Variants in CSMD1 observed in about 807,000 individuals in gnomAD.
The protein encoded by CSMD1 is CUB and sushi domain-containing protein 1.
A neutral mutation model predicts 417.5 loss-of-function variants in CSMD1; 213 were observed. That is an observed-to-expected ratio of 0.51 (90% confidence interval 0.46 to 0.57). CSMD1 has a LOEUF of 0.57. CSMD1 is among the 20% of genes least tolerant of loss of function. The pLI is 0.00. For missense variants in CSMD1, 6,923 were observed against 4,529.7 expected, an observed-to-expected ratio of 1.53 and a Z score of -15.17; for synonymous variants, 2,862 against 1,736.8, an observed-to-expected ratio of 1.65 and a Z score of -16.11.
intron 49 of CSMD1, among the ~76,000 whole-genome samples, chr8:3,060,946 A>T (rs1812552766): frequency 6.6e-6 from 1 of 152,168 alleles, no homozygotes; most frequent in South Asian, 2.1e-4. Context: ...TGTCAATTTC[A>T]GCTTCATGTT....
At chr8:4,722,394 A>T (rs547824090) in intron 1 of CSMD1, among the ~76,000 whole-genome samples, 1 of 152,252 alleles carries the variant, frequency 6.6e-6, no homozygotes, top group South Asian at 2.1e-4. Context: ...ACTTCTCCCA[A>T]TGCTGTGTAT....
At chr8:3,410,608 T>C (rs563928656) in intron 12 of CSMD1, among the ~76,000 whole-genome samples, 1 of 152,214 alleles carries the variant, frequency 6.6e-6, no homozygotes. Context: ...TTGTGAGGCC[T>C]CTCCAGCCAT....
At chr8:3,170,794 A>G (rs968367252) in intron 37 of CSMD1, among the ~76,000 whole-genome samples, 11 of 152,246 alleles carry the variant, frequency 7.2e-5, no homozygotes, top group African/African-American at 2.7e-4. Flanking sequence ...TGAAAACAAG[A>G]TATGGTCACA....
chr8:3,871,046 T>C (rs1233134747), intron 5 of CSMD1, among the ~76,000 whole-genome samples: 1 of 152,244 alleles, frequency 6.6e-6, no homozygotes, highest in African/African-American at 2.4e-5. Context: ...TCTCCATCTT[T>C]GTGTATTATT....
At chr8:4,008,795 A>G (rs548018395) in intron 4 of CSMD1, among the ~76,000 whole-genome samples, 1 of 151,294 alleles carries the variant, frequency 6.6e-6, no homozygotes, top group Non-Finnish European at 1.5e-5. Context: ...TGTTTTTGGT[A>G]GAGACGGGAT....
At chr8:3,331,141 G>C (rs931680064) in intron 23 of CSMD1, among the ~76,000 whole-genome samples, 1 of 151,668 alleles carries the variant, frequency 6.6e-6, no homozygotes, top group Non-Finnish European at 1.5e-5. Context: ...AGGAGGCTGA[G>C]GCAGGAGAAT....
chr8:3,418,458 C>G (rs1027826394), intron 12 of CSMD1, among the ~76,000 whole-genome samples: 1 of 152,052 alleles, frequency 6.6e-6, no homozygotes, highest in Admixed American at 6.6e-5. Flanking sequence ...GGGAAAGCAA[C>G]AATTTTATTC....
chr8:3,422,312 G>A (rs935494470), intron 12 of CSMD1, among the ~76,000 whole-genome samples: 4 of 152,094 alleles, frequency 2.6e-5, no homozygotes, highest in Non-Finnish European at 5.9e-5. Flanking sequence ...AATAATTTGG[G>A]GTTTGTTGAG....
intron 48 of CSMD1, among the ~76,000 whole-genome samples, chr8:3,089,489 TGCCTGAATGATC>T (rs760294017): frequency 3.3e-5 from 5 of 152,246 alleles, no homozygotes; most frequent in Non-Finnish European, 7.3e-5. Flanking sequence ...ATTGCTTTTA[TGCCTGAATGATC>T]AAGAGTTTAC....
At chr8:4,228,804 A>G (rs991596753) in intron 3 of CSMD1, among the ~76,000 whole-genome samples, 1 of 151,914 alleles carries the variant, frequency 6.6e-6, no homozygotes, top group African/African-American at 2.4e-5. Flanking sequence ...CTGCTTCTGC[A>G]TCCCAAGTAG....
At chr8:3,550,241 C>G (rs916637591) in intron 10 of CSMD1, among the ~76,000 whole-genome samples, 8 of 152,204 alleles carry the variant, frequency 5.3e-5, no homozygotes, top group Non-Finnish European at 1.2e-4. Flanking sequence ...AGAATACATC[C>G]TATGTCTCAC....
intron 26 of CSMD1, among the ~76,000 whole-genome samples, chr8:3,268,540 C>T (rs1468079257): frequency 1.3e-5 from 2 of 151,944 alleles, no homozygotes; most frequent in Non-Finnish European, 2.9e-5. Flanking sequence ...CCCACCTCGG[C>T]CTCCTAAAGT....
At chr8:4,491,096 G>A (rs1168344877) in intron 2 of CSMD1, among the ~76,000 whole-genome samples, 1 of 152,054 alleles carries the variant, frequency 6.6e-6, no homozygotes, top group African/African-American at 2.4e-5. Context: ...CTATTAATGG[G>A]TACTAGGCTT....
intron 68 of CSMD1, among the ~76,000 whole-genome samples, chr8:2,948,198 A>G (rs1272436878): frequency 6.6e-6 from 1 of 152,142 alleles, no homozygotes; most frequent in Non-Finnish European, 1.5e-5. Context: ...TGCAACAATT[A>G]TAACGACTTT....
At chr8:3,078,621 G>A (rs867741752) in intron 49 of CSMD1, among the ~76,000 whole-genome samples, 7 of 152,192 alleles carry the variant, frequency 4.6e-5, no homozygotes, top group South Asian at 4.1e-4. Flanking sequence ...CTTTTACATC[G>A]TTTTTAATTG....
chr8:3,225,134 G>C (rs968051377), intron 27 of CSMD1, among the ~76,000 whole-genome samples: 4 of 152,010 alleles, frequency 2.6e-5, no homozygotes, highest in Admixed American at 2.6e-4. Context: ...GAAGATGAAG[G>C]AACATGCTTC....
intron 42 of CSMD1, among the ~76,000 whole-genome samples, chr8:3,115,146 A>C (rs1816785239): frequency 6.6e-6 from 1 of 152,072 alleles, no homozygotes; most frequent in African/African-American, 2.4e-5. Flanking sequence ...ATTACATTTA[A>C]TAAGTTAATA....
intron 3 of CSMD1, among the ~76,000 whole-genome samples, chr8:4,164,618 G>A (rs996340074): frequency 6.6e-6 from 1 of 151,984 alleles, no homozygotes; most frequent in African/African-American, 2.4e-5. Flanking sequence ...TACCTTATTG[G>A]TTTACATACT....
At chr8:4,613,803 A>ACAT (rs1473362700) in intron 2 of CSMD1, among the ~76,000 whole-genome samples, 2 of 151,078 alleles carry the variant, frequency 1.3e-5, no homozygotes, top group Non-Finnish European at 2.9e-5. Flanking sequence ...ACTGGGATTC[A>ACAT]CATGGGAAAT....
Sources: allele counts gnomAD v4.1 joint callset (sites outside exome capture counted in the v4.1 genomes callset), GRCh38; gene constraint gnomAD v4.1.1; transcripts MANE v1.5; gene names NCBI Gene and HGNC (gene_info 2026-07-23, HGNC 2026-07-21).